The following FAM186A variants were observed in gnomAD, a reference collection of about 807,000 sequenced individuals.
The protein encoded by FAM186A is family with sequence similarity 186 member A, also known as protein FAM186A.
In FAM186A, 163 loss-of-function variants were observed where a neutral mutation model predicts 216.8. That is an observed-to-expected ratio of 0.75 (90% CI 0.66 to 0.86). The LOEUF (loss-of-function observed/expected upper bound fraction) is 0.86. Ranked by LOEUF, FAM186A falls within the 40% of genes least tolerant of loss-of-function variation. FAM186A has a pLI of 0.00. For missense variants in FAM186A, 2,184 were observed against 2,746.2 expected (o/e 0.80, Z 4.58); for synonymous variants, 805 against 1,025.3 (o/e 0.79, Z 4.10).
intron 3 of FAM186A, among the ~76,000 whole-genome samples, chr12:50,357,759 A>G (rs1170263017): frequency 1.3e-5 from 2 of 152,200 alleles, no homozygotes; most frequent in African/African-American, 4.8e-5. Flanking sequence ...CGCCAGATCC[A>G]TGGCCTGGAA....
At chr12:50,375,578 A>G (rs1356157210) in intron 1 of FAM186A, among the ~76,000 whole-genome samples, 2 of 150,722 alleles carry the variant, frequency 1.3e-5, no homozygotes, top group African/African-American at 4.9e-5. Flanking sequence ...GTAGCCAGGT[A>G]TGGTGGTGCA....
At chr12:50,360,686 A>G in intron 3 of FAM186A, 70 bp downstream of exon 3, 1 of 1,395,532 alleles carries the variant, frequency 7.2e-7, no homozygotes, top group Non-Finnish European at 9.5e-7. Flanking sequence ...CTGAAAAAAA[A>G]AAAAGTTGTT....
chr12:50,366,647 AAC>A (rs1197262847), intron 1 of FAM186A, among the ~76,000 whole-genome samples: 220 of 20,056 alleles, frequency 0.011, 5 homozygotes, highest in African/African-American at 0.025. Flanking sequence ...AAAAAAAAAA[AAC>A]GTGATCATCA....
intron 1 of FAM186A, among the ~76,000 whole-genome samples, chr12:50,393,708 G>C (rs896569621): frequency 1.3e-5 from 2 of 152,012 alleles, no homozygotes. Context: ...TTAGCCAGAC[G>C]TGCTGGTGTG....
In FAM186A at chr12:50,351,420, G is replaced by A. The variant is rs550007629; in HGVS notation, c.5412C>T (p.Tyr1804=). ...ACTGCGCAGAAGTGGATTGACCTCC[G>A]TATACCAGGGTCTGTCCAGAGGAAC... ...TLRSSGQTLV[Y]GGQSTSAQFP... is the part of the protein sequence containing the mutation. The change falls in exon 4 of 8, where the codon TAC becomes TAT. Residue 1804 remains tyrosine, a synonymous_variant. Transcript: ENST00000327337. The A allele has an allele frequency of 1.4e-5, 20 of 1,466,714 alleles. No homozygotes were observed. The African/African-American group carries it at 2.1e-4, about 16-fold the overall frequency. The allele number at this position is 1,466,714 out of a possible 1,614,324, so 90.9% of individuals were successfully genotyped here.
At chr12:50,347,376 G>A (rs1157638426) in intron 4 of FAM186A, among the ~76,000 whole-genome samples, 1 of 152,018 alleles carries the variant, frequency 6.6e-6, no homozygotes, top group Admixed American at 6.6e-5. Flanking sequence ...CAAAGACTCA[G>A]CATCATAAAA....
In FAM186A at chr12:50,350,354, C is replaced by A. The variant is rs1052235982; in HGVS notation, c.6478G>T (p.Ala2160Ser). 16 of 1,549,738 alleles carry A rather than the reference C, an allele frequency of 1.0e-5. No homozygotes were observed. In the East Asian group the frequency reaches 1.5e-4, roughly 14 times the overall value. ...CTGGCATGCTGGATCAGCCTATAGG[C>A]AATGTACTTGCGGAATAAGTATCCC... ...QLGYLFRKYI[A>S]YRLIQHARNN... The change falls in exon 4 of 8, where the codon GCC (alanine) becomes TCC (serine). Residue 2160 changes from alanine (A) to serine (S), a missense_variant. Physicochemically the swap from Ala to Ser is moderately conservative, Grantham distance 99 (BLOSUM62 1). This residue lies in a region of FAM186A where 721 missense variants were observed against 816.4 expected (regional missense o/e 0.88). Transcript: ENST00000327337.
chr12:50,334,079 T>A lies in FAM186A; in HGVS notation c.6528A>T (p.Lys2176Asn). Residue 2176 changes from lysine to asparagine, a missense_variant, in exon 5 of 8, where the codon AAA becomes AAT. By Grantham distance (94) the Lys-to-Asn change is moderately conservative. Transcript: ENST00000327337. ...HARNNIMKRL[K>N]AIQNTGKGYE... ...AGCCTTTCCCAGTATTTTGGATGGC[T>A]TTTAGTCGTTTCATTATGTTGTTCC... 1 of 1,547,456 alleles carries A rather than the reference T, an allele frequency of 6.5e-7. No homozygotes were observed. The highest frequency in any genetic ancestry group is 8.7e-7 in the Non-Finnish European group (1 of 1,145,864).
chr12:50,338,232 G>T (rs544170658), intron 4 of FAM186A, among the ~76,000 whole-genome samples: 2 of 151,860 alleles, frequency 1.3e-5, no homozygotes, highest in Non-Finnish European at 2.9e-5. Context: ...ACAGAGTTTC[G>T]CTCTTGTTGC....
chr12:50,387,432 G>C (rs1282745411), intron 1 of FAM186A, among the ~76,000 whole-genome samples: 1 of 152,138 alleles, frequency 6.6e-6, no homozygotes, highest in African/African-American at 2.4e-5. Context: ...ATACACACTA[G>C]GAGTTTAGGA....
In FAM186A at chr12:50,354,552, T is replaced by C. The variant is rs1400161995; in HGVS notation, c.2280A>G (p.Pro760=). 6.4e-7 allele frequency: 1 copy of C among 1,551,650 alleles called. No homozygotes were observed. The highest frequency in any genetic ancestry group is 1.2e-5 in the South Asian group (1 of 84,034). Residue 760 remains proline, a synonymous_variant, in exon 4 of 8, where the codon CCA becomes CCG. Transcript: ENST00000327337. ...IKQKKVVSFM[P]GLHFQKSPIS... is the part of the protein sequence containing the mutation. ...TTGGTGACTTCTGAAAATGCAATCC[T>C]GGCATAAATGAGACTACCTTTTTTT...
At chr12:50,372,937 G>A (rs1288828070) in intron 1 of FAM186A, among the ~76,000 whole-genome samples, 1 of 134,820 alleles carries the variant, frequency 7.4e-6, no homozygotes, top group Non-Finnish European at 1.6e-5. Context: ...AAGAAAGAAG[G>A]AAGGAAGGAA....
At chr12:50,384,539 C>T (rs1189511785) in intron 1 of FAM186A, among the ~76,000 whole-genome samples, 1 of 152,208 alleles carries the variant, frequency 6.6e-6, no homozygotes, top group Admixed American at 6.6e-5. Context: ...TACCTGATTT[C>T]AAAATTCAAT....
At chr12:50,369,219 G>A (rs1245598249) in intron 1 of FAM186A, among the ~76,000 whole-genome samples, 1 of 151,970 alleles carries the variant, frequency 6.6e-6, no homozygotes, top group Non-Finnish European at 1.5e-5. Flanking sequence ...GGCTGGGCAC[G>A]GTGGCTCACT....
chr12:50,335,631 G>A (rs1942700413), intron 4 of FAM186A, among the ~76,000 whole-genome samples: 1 of 150,840 alleles, frequency 6.6e-6, no homozygotes, highest in East Asian at 2.0e-4. Context: ...GCAACAGAGT[G>A]TGAGATCCTA....
intron 1 of FAM186A, among the ~76,000 whole-genome samples, chr12:50,380,925 G>A (rs1312754154): frequency 6.6e-6 from 1 of 152,188 alleles, no homozygotes; most frequent in African/African-American, 2.4e-5. Context: ...CATTGGGCCC[G>A]GCCACTGTGC....
Position 50,351,222 on chromosome 12 carries a change from A to G in FAM186A, c.5610T>C (p.Pro1870=). The change falls in exon 4 of 8, where the codon CCT becomes CCC. Residue 1870 remains proline, a synonymous_variant. Transcript: ENST00000327337. ...AGGGTCCAGATTCCAGGAGGTCCCC[A>G]GGGATGGAAGAGGCTTCAGGAACTA... The part of the protein sequence containing the change: ...QPLVPEASSI[P]GDLLESGPLT... The G allele has an allele frequency of 6.4e-7, 1 of 1,551,640 alleles. No individual in the cohort carries two copies. The highest frequency in any genetic ancestry group is 8.7e-7 in the Non-Finnish European group (1 of 1,146,958).
chr12:50,327,915 G>A (rs961770092), intron 7 of FAM186A, among the ~76,000 whole-genome samples: 2 of 152,088 alleles, frequency 1.3e-5, no homozygotes, highest in Non-Finnish European at 2.9e-5. Context: ...GGAAGAAAAG[G>A]ACTTGGCAAT....
intron 1 of FAM186A, among the ~76,000 whole-genome samples, chr12:50,379,700 C>T (rs1294771700): frequency 3.3e-5 from 5 of 150,668 alleles, no homozygotes; most frequent in African/African-American, 1.2e-4. Flanking sequence ...GCAGGAGAAT[C>T]GCTTGAACCC....
Sources: gnomAD v4.1 joint callset for allele counts (sites outside exome capture counted in the v4.1 genomes callset) on GRCh38, gnomAD v4.1.1 for gene constraint, gnomAD v4.1.1 regional missense constraint, MANE v1.5 for transcripts, NCBI Gene and HGNC (gene_info 2026-07-23, HGNC 2026-07-21) for gene names.